The following ME3 variants were observed in gnomAD, a reference collection of about 807,000 sequenced individuals.
The protein encoded by ME3 is malic enzyme 3.
A neutral mutation model predicts 68.9 loss-of-function variants in ME3; 48 were observed. That is an observed-to-expected ratio of 0.70 (90% CI 0.55 to 0.89). ME3 has a LOEUF of 0.89. ME3 is among the 40% of genes least tolerant of loss of function. The pLI, the probability that ME3 is intolerant of heterozygous loss-of-function variation, is 0.00. For synonymous variants in ME3, 320 were observed against 318.8 expected, an observed-to-expected ratio of 1.00 and a Z score of -0.04; for missense variants, 675 against 797.4, an observed-to-expected ratio of 0.85 and a Z score of 1.85.
intron 2 of ME3, among the ~76,000 whole-genome samples, chr11:86,570,653 AG>A (rs1316109628): frequency 1.3e-5 from 2 of 152,162 alleles, no homozygotes; most frequent in Non-Finnish European, 2.9e-5. Context: ...AATTCCTAAG[AG>A]GGGAGTGGAG....
intron 6 of ME3, among the ~76,000 whole-genome samples, chr11:86,487,707 C>T (rs1951779349): frequency 6.6e-6 from 1 of 152,212 alleles, no homozygotes. Context: ...CACAGTCTTT[C>T]AACCTCTGTC....
chr11:86,666,289 G>A (rs1023494982), intron 2 of ME3, among the ~76,000 whole-genome samples: 12 of 152,144 alleles, frequency 7.9e-5, no homozygotes, highest in Non-Finnish European at 1.6e-4. Context: ...TGGCTTCTGC[G>A]TGGAATTCAC....
intron 2 of ME3, among the ~76,000 whole-genome samples, chr11:86,628,908 G>A (rs80141434): frequency 1.3e-5 from 2 of 152,166 alleles, no homozygotes; most frequent in African/African-American, 4.8e-5. Flanking sequence ...GTATTGACAA[G>A]CAAGGGATGG....
intron 6 of ME3, among the ~76,000 whole-genome samples, chr11:86,495,665 G>A (rs553049952): frequency 5.3e-5 from 8 of 152,236 alleles, no homozygotes; most frequent in Non-Finnish European, 1.2e-4. Context: ...GCTGGGGGAA[G>A]GGCATTGCTG....
chr11:86,481,469 C>G (rs532336294), intron 7 of ME3, among the ~76,000 whole-genome samples: 22 of 152,244 alleles, frequency 1.4e-4, no homozygotes, highest in Non-Finnish European at 2.6e-4. Flanking sequence ...AGCCTGAAGT[C>G]TGTATTCTTG....
exon 10 of ME3, chr11:86,450,002 C>T (rs1949542942): frequency 6.2e-7 from 1 of 1,606,748 alleles, no homozygotes; most frequent in African/African-American, 1.3e-5. Flanking sequence ...CCCATAGCTG[C>T]CTGGAAGGTA....
chr11:86,547,365 C>A (rs933079657), intron 4 of ME3, among the ~76,000 whole-genome samples: 4 of 150,076 alleles, frequency 2.7e-5, no homozygotes, highest in African/African-American at 9.8e-5. Context: ...TCATTCTCAG[C>A]AAACTAACAC....
chr11:86,655,621 G>A (rs939518295), intron 2 of ME3, among the ~76,000 whole-genome samples: 21 of 151,970 alleles, frequency 1.4e-4, no homozygotes, highest in South Asian at 4.2e-4. Context: ...AGACTTAAAC[G>A]TTAGACCTAA....
chr11:86,644,542 G>A (rs1944878431), intron 2 of ME3, among the ~76,000 whole-genome samples: 1 of 152,078 alleles, frequency 6.6e-6, no homozygotes, highest in African/African-American at 2.4e-5. Context: ...AGCTCCCAGA[G>A]CCTTCCATGC....
At chr11:86,579,446 T>C (rs1958308124) in intron 2 of ME3, among the ~76,000 whole-genome samples, 1 of 152,292 alleles carries the variant, frequency 6.6e-6, no homozygotes, top group East Asian at 1.9e-4. Flanking sequence ...TCTCTCTCTG[T>C]TCTCAGTGTC....
At chr11:86,506,992 C>T (rs1411951693) in intron 5 of ME3, among the ~76,000 whole-genome samples, 1 of 152,190 alleles carries the variant, frequency 6.6e-6, no homozygotes, top group Non-Finnish European at 1.5e-5. Flanking sequence ...GGGAGAAGCA[C>T]AAGGCAAAAT....
intron 7 of ME3, among the ~76,000 whole-genome samples, chr11:86,466,641 C>T (rs936367682): frequency 6.6e-6 from 1 of 152,174 alleles, no homozygotes; most frequent in African/African-American, 2.4e-5. Context: ...TTTTTTCCAG[C>T]CTTATAATTT....
chr11:86,526,369 G>C lies in ME3; in HGVS notation c.468-17502C>G, dbSNP rs530965177. On this transcript the variant is annotated intron_variant, in intron 4 of 14. Coordinates refer to ENST00000543262, the Ensembl canonical transcript of ME3. Reference sequence around the variant, plus strand: ...CTTGAGTAGGTAAACAAAGCAGCCGGGAAGCTCGAACTGGGTGGAGCCCAC... The same window carrying C: ...CTTGAGTAGGTAAACAAAGCAGCCGCGAAGCTCGAACTGGGTGGAGCCCAC... Among the ~76,000 whole-genome samples the C allele has an allele frequency of 2.7e-3, 415 of 152,318 alleles. 1 individual carries two copies. Among genetic ancestry groups the C allele is most frequent in the African/African-American group, 9.4e-3 (391 of 41,584 alleles).
intron 2 of ME3, among the ~76,000 whole-genome samples, chr11:86,622,179 A>G (rs1240956809): frequency 2.0e-5 from 3 of 152,028 alleles, no homozygotes; most frequent in African/African-American, 7.3e-5. Context: ...AGTCTAACCT[A>G]CAACCTTGAC....
intron 2 of ME3, among the ~76,000 whole-genome samples, chr11:86,591,006 T>C (rs1225371679): frequency 6.6e-6 from 1 of 152,162 alleles, no homozygotes; most frequent in African/African-American, 2.4e-5. Context: ...TTCCTTCTTG[T>C]GTGTTGGGCG....
chr11:86,444,913 G>A (rs979801727), intron 13 of ME3, among the ~76,000 whole-genome samples: 2 of 152,184 alleles, frequency 1.3e-5, no homozygotes, highest in Non-Finnish European at 2.9e-5. Context: ...CTCACAGCAG[G>A]TGATAATAAG....
At chr11:86,609,811 G>A (rs551341272) in intron 2 of ME3, among the ~76,000 whole-genome samples, 14 of 152,224 alleles carry the variant, frequency 9.2e-5, no homozygotes, top group African/African-American at 3.1e-4. Flanking sequence ...CTGATGTGAT[G>A]GAATGCTAAA....
intron 4 of ME3, among the ~76,000 whole-genome samples, chr11:86,556,209 TGTTGGTACTTTGGAG>T: frequency 6.6e-6 from 1 of 152,230 alleles, no homozygotes; most frequent in Admixed American, 6.5e-5. Context: ...GCAGGAGAGC[TGTTGGTACTTTGGAG>T]GTGACCAGAG....
At chr11:86,641,036 TGGG>T (rs34557683) in intron 2 of ME3, among the ~76,000 whole-genome samples, 25,378 of 140,192 alleles carry the variant, frequency 0.18, 2,337 homozygotes, top group Non-Finnish European at 0.2. Context: ...TCAATTTCAC[TGGG>T]GGGGGGGGTC....
Sources: allele counts gnomAD v4.1 joint callset (sites outside exome capture counted in the v4.1 genomes callset), GRCh38; gene constraint gnomAD v4.1.1; transcripts MANE v1.5; gene names NCBI Gene and HGNC (gene_info 2026-07-23, HGNC 2026-07-21).